Variants in CYP39A1 observed in about 807,000 individuals in gnomAD.
CYP39A1 encodes the protein 24-hydroxycholesterol 7-alpha-hydroxylase.
Under a neutral mutation model 58.1 loss-of-function variants are expected in CYP39A1, and 49 were observed. The observed-to-expected ratio is 0.84, with a 90% confidence interval of 0.67 to 1.07. The LOEUF (loss-of-function observed/expected upper bound fraction) is 1.07, where lower values mean the gene tolerates loss of function less well. Among genes scored for constraint, CYP39A1 ranks in the 50% least tolerant of loss-of-function variants. CYP39A1 has a pLI of 0.00. For synonymous variants in CYP39A1, 209 were observed against 187.6 expected (o/e 1.11, Z -0.93); for missense variants, 531 against 539.4 (o/e 0.98, Z 0.16).
intron 11 of CYP39A1, among the ~76,000 whole-genome samples, chr6:46,551,494 G>A (rs1770394383): frequency 6.6e-6 from 1 of 152,072 alleles, no homozygotes; most frequent in Non-Finnish European, 1.5e-5. Flanking sequence ...AGCCCTCACT[G>A]CTAGCATCAG....
Position 46,625,439 on chromosome 6 carries a change from A to G in CYP39A1, c.910T>C (p.Ser304Pro). ...DIHKAIMEGI[S>P]SVFGKAGKDK... is the part of the protein sequence containing the mutation. ...GTACCTGCTTTGCCAAACACAGAAGATATGCCTTCCATAATGGCCTTGTGG... is the reference window on the plus strand; with the variant it reads ...GTACCTGCTTTGCCAAACACAGAAGGTATGCCTTCCATAATGGCCTTGTGG... The change falls in exon 7 of 12, where the codon TCT (serine) becomes CCT (proline). Residue 304 changes from serine to proline, a missense_variant. By Grantham distance (74) the Ser-to-Pro change is moderately conservative. Transcript: ENST00000275016. 2 of 1,610,620 alleles carry G rather than the reference A, an allele frequency of 1.2e-6. No individual in the cohort carries two copies. Among genetic ancestry groups the G allele is most frequent in the African/African-American group, 1.3e-5 (1 of 74,968 alleles).
intron 7 of CYP39A1, among the ~76,000 whole-genome samples, chr6:46,600,989 G>A (rs763369819): frequency 1.8e-4 from 27 of 152,158 alleles, no homozygotes; most frequent in South Asian, 1.5e-3. Flanking sequence ...AGAGTCTTGC[G>A]GGACTGAGCC....
intron 10 of CYP39A1, among the ~76,000 whole-genome samples, chr6:46,562,321 A>G (rs1262502786): frequency 6.6e-6 from 1 of 151,966 alleles, no homozygotes; most frequent in Non-Finnish European, 1.5e-5. Context: ...CTGTGTCCAG[A>G]CTAAGAGAGT....
At chr6:46,601,694 ATTAT>A (rs1439745584) in intron 7 of CYP39A1, among the ~76,000 whole-genome samples, 255 of 149,606 alleles carry the variant, frequency 1.7e-3, no homozygotes, top group Middle Eastern at 0.011. Context: ...TATTATTATT[ATTAT>A]TATTTAGAGA....
chr6:46,573,052 T>C (rs2150495825), intron 10 of CYP39A1, among the ~76,000 whole-genome samples: 1 of 152,248 alleles, frequency 6.6e-6, no homozygotes, highest in African/African-American at 2.4e-5. Flanking sequence ...GTTTTATTCA[T>C]ATATTGTTGT....
intron 10 of CYP39A1, among the ~76,000 whole-genome samples, chr6:46,576,238 T>G (rs917016209): frequency 1.3e-5 from 2 of 152,114 alleles, no homozygotes; most frequent in African/African-American, 4.8e-5. Context: ...ATCTCCATTA[T>G]CCAATCACCT....
intron 6 of CYP39A1, among the ~76,000 whole-genome samples, chr6:46,627,891 G>A (rs1452391196): frequency 6.6e-6 from 1 of 152,118 alleles, no homozygotes; most frequent in Non-Finnish European, 1.5e-5. Context: ...CCCACATTTG[G>A]GAAAGGGGTT....
At chr6:46,641,356 A>T (rs1443228784) in intron 2 of CYP39A1, among the ~76,000 whole-genome samples, 1 of 152,172 alleles carries the variant, frequency 6.6e-6, no homozygotes, top group Non-Finnish European at 1.5e-5. Flanking sequence ...AAGAAGAAAA[A>T]ATATATATAA....
At chr6:46,616,441 A>G (rs1366356830) in intron 7 of CYP39A1, among the ~76,000 whole-genome samples, 1 of 151,438 alleles carries the variant, frequency 6.6e-6, no homozygotes, top group Non-Finnish European at 1.5e-5. Context: ...TTTTTAAGAG[A>G]TGGAGCCTCA....
At chr6:46,615,569 C>T (rs1420348514) in intron 7 of CYP39A1, among the ~76,000 whole-genome samples, 1 of 152,210 alleles carries the variant, frequency 6.6e-6, no homozygotes, top group East Asian at 1.9e-4. Flanking sequence ...TGAATCAAAA[C>T]CAAATGCTCA....
At chr6:46,598,439 T>C (rs1773300521) in intron 7 of CYP39A1, among the ~76,000 whole-genome samples, 1 of 152,110 alleles carries the variant, frequency 6.6e-6, no homozygotes, top group African/African-American at 2.4e-5. Context: ...AATCTATGAG[T>C]AGTTATTAAG....
At chr6:46,632,223 G>GA (rs1245063089) in intron 5 of CYP39A1, among the ~76,000 whole-genome samples, 1 of 151,744 alleles carries the variant, frequency 6.6e-6, no homozygotes, top group African/African-American at 2.4e-5. Context: ...ATTTTTAAAG[G>GA]AAAAAATGAG....
intron 10 of CYP39A1, among the ~76,000 whole-genome samples, chr6:46,568,412 C>T (rs1771407632): frequency 6.6e-6 from 1 of 151,928 alleles, no homozygotes; most frequent in African/African-American, 2.4e-5. Context: ...TCATAAAGTC[C>T]AATTTTGTCT....
intron 8 of CYP39A1, among the ~76,000 whole-genome samples, chr6:46,595,440 T>C (rs571975291): frequency 3.0e-4 from 46 of 152,104 alleles, no homozygotes; most frequent in African/African-American, 1.1e-3. Flanking sequence ...TGTGACAACA[T>C]GAATGAAACT....
chr6:46,638,282 T>C (rs757117198), intron 3 of CYP39A1, among the ~76,000 whole-genome samples: 1 of 152,198 alleles, frequency 6.6e-6, no homozygotes, highest in Non-Finnish European at 1.5e-5. Context: ...TCAACAATAA[T>C]TTATTTAGCA....
intron 10 of CYP39A1, among the ~76,000 whole-genome samples, chr6:46,566,993 G>A (rs554622257): frequency 6.6e-6 from 1 of 151,936 alleles, no homozygotes; most frequent in Admixed American, 6.6e-5. Context: ...GGGAGAAGTG[G>A]GGGGGTGAGA....
intron 7 of CYP39A1, among the ~76,000 whole-genome samples, chr6:46,606,769 C>T (rs1432528015): frequency 6.6e-6 from 1 of 152,112 alleles, no homozygotes; most frequent in Non-Finnish European, 1.5e-5. Context: ...ATTGCATACT[C>T]ATAATGATGT....
chr6:46,614,915 T>C (rs1013157808), intron 7 of CYP39A1, among the ~76,000 whole-genome samples: 3 of 152,170 alleles, frequency 2.0e-5, no homozygotes, highest in African/African-American at 7.2e-5. Context: ...GCCACTGGCA[T>C]AGGATACTGA....
chr6:46,577,021 A>C (rs1467271802), intron 10 of CYP39A1, among the ~76,000 whole-genome samples: 1 of 152,214 alleles, frequency 6.6e-6, no homozygotes, highest in Admixed American at 6.5e-5. Context: ...TCTTAGAGCC[A>C]GCAATGGAGA....
Sources: gnomAD v4.1 joint callset for allele counts (sites outside exome capture counted in the v4.1 genomes callset) on GRCh38, gnomAD v4.1.1 for gene constraint, MANE v1.5 for transcripts, NCBI Gene and HGNC (gene_info 2026-07-23, HGNC 2026-07-21) for gene names.